Variants in COL9A1 observed in about 807,000 individuals in gnomAD.
The protein encoded by COL9A1 is collagen type IX alpha 1 chain, also known as collagen alpha-1(IX) chain.
A neutral mutation model predicts 142.6 loss-of-function variants in COL9A1; 104 were observed. That is an observed-to-expected ratio of 0.73 (90% CI 0.62 to 0.86). COL9A1 has a LOEUF of 0.86. Ranked by LOEUF, COL9A1 falls within the 40% of genes least tolerant of loss-of-function variation. COL9A1 has a pLI of 0.00. For missense variants in COL9A1, 1,210 were observed against 1,176.6 expected (o/e 1.03, Z -0.42); for synonymous variants, 466 against 396.0 (o/e 1.18, Z -2.10).
intron 5 of COL9A1, among the ~76,000 whole-genome samples, chr6:70,290,054 T>C (rs536908590): frequency 2.0e-5 from 3 of 152,266 alleles, no homozygotes; most frequent in Admixed American, 2.0e-4. Context: ...TCTGTCCGAT[T>C]AATCACGTTC....
At chr6:70,289,062 T>G (rs1049861714) in intron 5 of COL9A1, among the ~76,000 whole-genome samples, 1 of 152,154 alleles carries the variant, frequency 6.6e-6, no homozygotes, top group East Asian at 1.9e-4. Context: ...CCTTTCTGGT[T>G]TGATCATTAT....
At position 70,281,390 on chromosome 6, in the gene COL9A1, G is replaced by T. The variant is rs199570724; in HGVS notation, c.876C>A (p.Asp292Glu). Reference protein sequence around the residue: ...PPGVPGIDGIDGDRGPKGPPG... With the variant: ...PPGVPGIDGIEGDRGPKGPPG... ...AGGTGGCCTGGAGATAGAAACTTACGTCGATGCCATCGATGCCTGGAACTC... is the reference window on the plus strand; with the variant it reads ...AGGTGGCCTGGAGATAGAAACTTACTTCGATGCCATCGATGCCTGGAACTC... The change falls in exon 8 of 38, where the codon GAC becomes GAA. Residue 292 changes from aspartate (D) to glutamate (E), a missense_variant and splice_region_variant. Transcript: ENST00000357250. 1.2e-6 allele frequency: 2 copies of T among 1,613,174 alleles called. No individual in the cohort carries two copies. The highest frequency in any genetic ancestry group is 2.2e-5 in the South Asian group (2 of 91,014).
At position 70,240,705 on chromosome 6, in the gene COL9A1, C is replaced by T. The variant is rs1770202845; in HGVS notation, c.2063G>A (p.Gly688Glu). The change falls in exon 32 of 38, where the codon GGA (glycine) becomes GAA (glutamate). Residue 688 changes from glycine to glutamate, a missense_variant. Gly to Glu is a moderately conservative substitution (Grantham distance 98). Coordinates refer to ENST00000357250, the MANE Select transcript of COL9A1 (RefSeq NM_001851.6). Reference sequence around the variant, plus strand: ...AAATCTTACAAGTTCCCCCCTTTCTCCTGCTTCACCTTCTTCACCAGAGGC... The same window carrying T: ...AAATCTTACAAGTTCCCCCCTTTCTTCTGCTTCACCTTCTTCACCAGAGGC... ...QGASGEEGEA[G>E]ERGELGDIGL... is the part of the protein sequence containing the mutation. 1.2e-6 allele frequency: 2 copies of T among 1,613,056 alleles called. No homozygotes were observed. The highest frequency in any genetic ancestry group is 2.2e-5 in the East Asian group (1 of 44,830).
chr6:70,215,602 T>C (rs533749026), downstream of COL9A1: 2 of 152,310 alleles, frequency 1.3e-5, no homozygotes, highest in Non-Finnish European at 2.9e-5. Context: ...CAGATAATAA[T>C]AAAGTGCTTA....
intron 14 of COL9A1, 100 bp downstream of exon 14, chr6:70,271,555 G>C (rs1326619165): frequency 1.7e-5 from 16 of 922,904 alleles, no homozygotes; most frequent in Non-Finnish European, 2.5e-5. Context: ...GCCATGTTTT[G>C]GTTTGCAAGT....
intron 5 of COL9A1, among the ~76,000 whole-genome samples, chr6:70,284,203 T>C (rs1435854234): frequency 6.6e-6 from 1 of 151,968 alleles, no homozygotes; most frequent in South Asian, 2.1e-4. Flanking sequence ...AGTGTCAGAG[T>C]CTGGGTTGAA....
chr6:70,298,331 G>GGAACT (rs1773925598), intron 4 of COL9A1, among the ~76,000 whole-genome samples: 1 of 152,094 alleles, frequency 6.6e-6, no homozygotes. Context: ...TTAAACTGAG[G>GGAACT]GAACTGAAGT....
intron 17 of COL9A1, 51 bp from the exon 18 acceptor site, chr6:70,266,821 C>A (rs1236887171): frequency 6.9e-7 from 1 of 1,454,478 alleles, no homozygotes; most frequent in Admixed American, 1.7e-5. Context: ...AGAAAGTGAT[C>A]AGAAGGCTCA....
Position 70,303,026 on chromosome 6 carries a change from A to G in COL9A1, c.-102T>C. On this transcript the variant is annotated 5_prime_UTR_variant, in exon 1 of 38. Transcript: ENST00000357250. ...ACCCCTTCACTGTTACCCTAGGACTATGTGTTCTGGGCCCAGCCTTGGTCC... is the reference window on the plus strand; with the variant it reads ...ACCCCTTCACTGTTACCCTAGGACTGTGTGTTCTGGGCCCAGCCTTGGTCC... 2 of 1,279,606 alleles carry G rather than the reference A, an allele frequency of 1.6e-6. No homozygotes were observed. The highest frequency in any genetic ancestry group is 2.3e-6 in the Non-Finnish European group (2 of 875,558). 79.3% of individuals were successfully genotyped at this position (1,279,606 alleles called of 1,614,324 possible). A position where few individuals can be genotyped will look rare whatever the true frequency, so the allele number is the denominator to read the frequency against.
rs539839057 is a variant in COL9A1 at position 70,298,871 on chromosome 6, T to C, written c.299+1172A>G. 2.0e-5 allele frequency among the ~76,000 whole-genome samples: 3 copies of C among 152,362 alleles called. No individual in the cohort carries two copies. In the South Asian group the frequency reaches 6.2e-4, roughly 32 times the overall value. On this transcript the variant is annotated intron_variant, in intron 4 of 37. Transcript: ENST00000357250. ...ATCATGGTTTTAATCTTTCCAGATG[T>C]GAATGGTTTTCCAGAGTCAGTATGG... is the stretch of plus-strand genomic sequence containing the variant.
At chr6:70,274,197 T>TTA in intron 11 of COL9A1, 115 bp from the exon 12 acceptor site, 1 of 737,942 alleles carries the variant, frequency 1.4e-6, no homozygotes. Context: ...TTTTTTTTTT[T>TTA]AAATTTCCAA....
chr6:70,284,297 C>T (rs951895333), intron 5 of COL9A1, among the ~76,000 whole-genome samples: 2 of 151,786 alleles, frequency 1.3e-5, no homozygotes, highest in African/African-American at 2.4e-5. Flanking sequence ...AAGTGGCAAT[C>T]AGAAGGACAA....
chr6:70,280,806 A>C lies in COL9A1; in HGVS notation c.975+6T>G. ...CTGGGCGCCCTCCCAGCACTCGCCTACTCACATCAGCGCCAGGTGTGCCAG... is the reference window on the plus strand; with the variant it reads ...CTGGGCGCCCTCCCAGCACTCGCCTCCTCACATCAGCGCCAGGTGTGCCAG... On this transcript the variant is annotated splice_donor_region_variant and intron_variant, in intron 10 of 37. Coordinates refer to ENST00000357250, the MANE Select transcript of COL9A1 (RefSeq NM_001851.6). The C allele has an allele frequency of 6.2e-7, 1 of 1,611,600 alleles. No individual in the cohort carries two copies. Among genetic ancestry groups the C allele is most frequent in the Non-Finnish European group, 8.5e-7 (1 of 1,179,230 alleles).
intron 37 of COL9A1, chr6:70,222,777 CCAA>C (rs1264243379): frequency 6.6e-6 from 1 of 151,738 alleles, no homozygotes; most frequent in Non-Finnish European, 1.5e-5. Flanking sequence ...AGCCCCAAAT[CCAA>C]CAACAGGAAC....
intron 1 of COL9A1, 81 bp from the exon 2 acceptor site, chr6:70,302,155 C>A: frequency 1.2e-6 from 1 of 835,700 alleles, no homozygotes; most frequent in Non-Finnish European, 2.0e-6. Flanking sequence ...ACCTAGTAAA[C>A]CTAATTAATG....
At chr6:70,244,364 T>G (rs1055672840) in intron 28 of COL9A1, among the ~76,000 whole-genome samples, 1 of 152,224 alleles carries the variant, frequency 6.6e-6, no homozygotes, top group South Asian at 2.1e-4. Flanking sequence ...GCCCCTGTGA[T>G]AGATTCCTCT....
In COL9A1 at chr6:70,260,673, C is replaced by T; in HGVS notation, c.1433G>A (p.Gly478Glu). The change falls in exon 20 of 38, where the codon GGG becomes GAG. Residue 478 changes from glycine to glutamate, a missense_variant. Physicochemically the swap from Gly to Glu is moderately conservative, Grantham distance 98. Coordinates refer to ENST00000357250, the MANE Select transcript of COL9A1 (RefSeq NM_001851.6). ...CCATCTTACTTTTTCCCCTTTGTCC[C>T]CAACTATGCCGGTGATGCCTCGCAA... ...QGLRGITGIV[G>E]DKGEKGARGL... The T allele has an allele frequency of 6.2e-7, 1 of 1,613,848 alleles. No individual in the cohort carries two copies. Among genetic ancestry groups the T allele is most frequent in the South Asian group, 1.1e-5 (1 of 91,060 alleles).
At chr6:70,264,251 G>T (rs544150453) in intron 18 of COL9A1, among the ~76,000 whole-genome samples, 1 of 151,898 alleles carries the variant, frequency 6.6e-6, no homozygotes, top group Non-Finnish European at 1.5e-5. Flanking sequence ...ATAAACTTTA[G>T]AATCATTGGA....
rs1419368281 is a variant in COL9A1 at position 70,232,863 on chromosome 6, A to G, written c.2315-92T>C. The G allele has an allele frequency of 1.6e-4, 206 of 1,253,258 alleles. 1 individual carries two copies. Among genetic ancestry groups the G allele is most frequent in the Non-Finnish European group, 2.0e-4 (173 of 876,334 alleles). 77.6% of individuals were successfully genotyped at this position (1,253,258 alleles called of 1,614,324 possible). ...AGGTATTCCAAATGCCTTTTTTTCT[A>G]AATGTGTCACCAGATCTTCAAAATT... On this transcript the variant is annotated intron_variant, in intron 35 of 37. Coordinates refer to ENST00000357250, the MANE Select transcript of COL9A1 (RefSeq NM_001851.6).
Sources: gnomAD v4.1 joint callset for allele counts (sites outside exome capture counted in the v4.1 genomes callset) on GRCh38, gnomAD v4.1.1 for gene constraint, MANE v1.5 for transcripts, NCBI Gene and HGNC (gene_info 2026-07-23, HGNC 2026-07-21) for gene names.